Variants in ITGA4 observed in about 807,000 individuals in gnomAD.
ITGA4 encodes integrin subunit alpha 4.
A neutral mutation model predicts 133.6 loss-of-function variants in ITGA4; 63 were observed. The observed-to-expected ratio is 0.47, with a 90% confidence interval of 0.38 to 0.58. The LOEUF (loss-of-function observed/expected upper bound fraction) is 0.58, where lower values mean the gene tolerates loss of function less well. ITGA4 is among the 20% of genes least tolerant of loss of function. The pLI is 0.00. For synonymous variants in ITGA4, 483 were observed against 438.0 expected (o/e 1.10, Z -1.28); for missense variants, 1,076 against 1,252.7 (o/e 0.86, Z 2.13).
At chr2:181,514,318 G>GACAAATA (rs1686563360) in intron 17 of ITGA4, among the ~76,000 whole-genome samples, 3 of 152,064 alleles carry the variant, frequency 2.0e-5, no homozygotes, top group African/African-American at 7.2e-5. Flanking sequence ...TTGACAAATA[G>GACAAATA]GGTTGAGTAC....
At chr2:181,483,347 A>T (rs1221441008) in intron 9 of ITGA4, among the ~76,000 whole-genome samples, 1 of 152,066 alleles carries the variant, frequency 6.6e-6, no homozygotes. Flanking sequence ...AAAACAAAAA[A>T]TTGGTGGAGT....
chr2:181,482,498 G>A lies in ITGA4; in HGVS notation c.904-16G>A. On this transcript the variant is annotated splice_polypyrimidine_tract_variant and intron_variant, in intron 8 of 27. Transcript: ENST00000397033. ...GCTTTTTTCTCAATGAGTGGATCTG[G>A]TTTGTTTTGGGACAGCTTGGATCGT... The A allele has an allele frequency of 6.2e-7, 1 of 1,613,694 alleles. No individual in the cohort carries two copies. Among genetic ancestry groups the A allele is most frequent in the Non-Finnish European group, 8.5e-7 (1 of 1,179,718 alleles).
In ITGA4 at chr2:181,523,460, A is replaced by G. The variant is rs370162467; in HGVS notation, c.2097A>G (p.Glu699=). ...AGGAAGAGAAGCAAATAAACTGTGA[A>G]GTCACAGATAACTCTGGCGTGGTAC... The part of the protein sequence containing the change: ...LELEEKQINC[E]VTDNSGVVQL... The change falls in exon 19 of 28, where the codon GAA becomes GAG. Residue 699 remains glutamate (E), a synonymous_variant. Coordinates refer to ENST00000397033, the MANE Select transcript of ITGA4 (RefSeq NM_000885.6). The surrounding 1 kb of genome is among the most constrained non-coding windows in gnomAD (Gnocchi z 4.2). 5.0e-6 allele frequency: 8 copies of G among 1,607,718 alleles called. No individual in the cohort carries two copies. The highest frequency in any genetic ancestry group is 6.8e-6 in the Non-Finnish European group (8 of 1,174,302).
chr2:181,531,466 AAAAC>A (rs1479053011), intron 24 of ITGA4, among the ~76,000 whole-genome samples, 187 bp from the exon 25 acceptor site: 1 of 152,236 alleles, frequency 6.6e-6, no homozygotes, highest in Non-Finnish European at 1.5e-5. Flanking sequence ...TATAATTTAG[AAAAC>A]AAACATTCAT....
chr2:181,457,455 G>T lies in ITGA4; in HGVS notation c.-200G>T. ...GGGAGTGGGGCCGGGCGAGTGCGCG[G>T]CATCCCAGGCCGGCCCGAACGCTCC... On this transcript the variant is annotated 5_prime_UTR_variant, in exon 1 of 28. Transcript: ENST00000397033. 1.8e-6 allele frequency: 1 copy of T among 542,482 alleles called. No homozygotes were observed. Among genetic ancestry groups the T allele is most frequent in the Non-Finnish European group, 3.2e-6 (1 of 310,906 alleles). The allele number at this position is 542,482 out of a possible 1,614,324, so 33.6% of individuals were successfully genotyped here.
At chr2:181,478,644 A>T (rs1167953080) in intron 4 of ITGA4, 113 bp from the exon 5 acceptor site, 7 of 454,948 alleles carry the variant, frequency 1.5e-5, no homozygotes, top group East Asian at 3.5e-5. Flanking sequence ...TTTTATTTTT[A>T]AAAAATACAA....
At chr2:181,464,131 A>G (rs1358102992) in intron 2 of ITGA4, among the ~76,000 whole-genome samples, 2 of 152,132 alleles carry the variant, frequency 1.3e-5, no homozygotes, top group African/African-American at 4.8e-5. Flanking sequence ...AGGTAGCAAG[A>G]AAAATCAGGT....
At chr2:181,481,718 A>G (rs778458017) in intron 7 of ITGA4, 35 bp downstream of exon 7, 1 of 1,109,020 alleles carries the variant, frequency 9.0e-7, no homozygotes, top group Non-Finnish European at 1.3e-6. Context: ...TTTCTTCACA[A>G]AGGTTCAAAT....
In ITGA4 at chr2:181,538,739, A is replaced by G. The variant is rs1687335550; in HGVS notation, c.*3212A>G. On this transcript the variant is annotated 3_prime_UTR_variant, in exon 28 of 28. Transcript: ENST00000397033. ...TAAGATGGAAGGATAAAAATCTAAC[A>G]CTTTACTATTCAGATGGCTCCACTA... Among the ~76,000 whole-genome samples the G allele has an allele frequency of 6.6e-6, 1 of 152,126 alleles. No homozygotes were observed. Among genetic ancestry groups the G allele is most frequent in the South Asian group, 2.1e-4 (1 of 4,832 alleles).
chr2:181,537,161 C>T lies in ITGA4; in HGVS notation c.*1634C>T, dbSNP rs192210010. ...TATCGTTATAAAAAGGCTAGTCATT[C>T]TTTCAGGAGAACATCTAGGATCATA... On this transcript the variant is annotated 3_prime_UTR_variant, in exon 28 of 28. Transcript: ENST00000397033. 859 of 453,846 alleles carry T rather than the reference C, an allele frequency of 1.9e-3. 7 individuals carry two copies. The highest frequency in any genetic ancestry group is 2.2e-3 in the Non-Finnish European group (503 of 226,674). The allele number at this position is 453,846 out of a possible 1,614,324, so 28.1% of individuals were successfully genotyped here. A position where few individuals can be genotyped will look rare whatever the true frequency, so the allele number is the denominator to read the frequency against.
chr2:181,486,109 A>T, intron 10 of ITGA4, 117 bp downstream of exon 10: 1 of 1,364,410 alleles, frequency 7.3e-7, no homozygotes, highest in Non-Finnish European at 9.7e-7. Flanking sequence ...CCAGAATGGC[A>T]TGCTAAGTTT....
intron 7 of ITGA4, 83 bp downstream of exon 7, chr2:181,481,766 A>C (rs1472591928): frequency 3.8e-6 from 2 of 528,818 alleles, no homozygotes; most frequent in African/African-American, 1.9e-5. Flanking sequence ...GAAACTGTGA[A>C]TGTTGTAAGG....
At chr2:181,503,892 G>A (rs1311644327) in intron 15 of ITGA4, among the ~76,000 whole-genome samples, 5 of 151,908 alleles carry the variant, frequency 3.3e-5, no homozygotes, top group African/African-American at 1.2e-4. Flanking sequence ...TTAGGACAAG[G>A]GATAATTTTG....
chr2:181,462,912 G>C (rs1016360049), intron 2 of ITGA4, among the ~76,000 whole-genome samples: 3 of 152,132 alleles, frequency 2.0e-5, no homozygotes, highest in Admixed American at 6.5e-5. Flanking sequence ...GTTGTTCATT[G>C]AGGGATGCCT....
chr2:181,475,735 T>C, intron 4 of ITGA4: 1 of 1,507,728 alleles, frequency 6.6e-7, no homozygotes, highest in Non-Finnish European at 8.9e-7. Context: ...TATCTCTTTT[T>C]CTAATTTACA....
chr2:181,467,566 C>T (rs1029920639), intron 2 of ITGA4, among the ~76,000 whole-genome samples: 7 of 152,080 alleles, frequency 4.6e-5, no homozygotes, highest in Non-Finnish European at 1.0e-4. Flanking sequence ...ATACTGAGAA[C>T]CATTCTAAAT....
At position 181,516,427 on chromosome 2, in the gene ITGA4, GCT is replaced by G. The variant is rs147591541; in HGVS notation, c.1922+4658_1922+4659del. Reference sequence around the variant, plus strand: ...CTAGACATTGATGGTTATCTTTCCAGCTCTCTCAGCTTTTCCTCATGATCACA... The same window carrying G: ...CTAGACATTGATGGTTATCTTTCCAGCTCTCAGCTTTTCCTCATGATCACA... On this transcript the variant is annotated intron_variant, in intron 17 of 27. Transcript: ENST00000397033. The surrounding 1 kb of genome is among the most constrained non-coding windows in gnomAD (Gnocchi z 4.0). 6.6e-3 allele frequency among the ~76,000 whole-genome samples: 1,004 copies of G among 152,138 alleles called. 9 individuals carry two copies. Among genetic ancestry groups the G allele is most frequent in the African/African-American group, 0.023 (940 of 41,538 alleles).
chr2:181,488,401 T>C (rs1249172841), intron 10 of ITGA4, among the ~76,000 whole-genome samples: 2 of 152,212 alleles, frequency 1.3e-5, no homozygotes, highest in East Asian at 3.8e-4. Context: ...TCTGGAAGGT[T>C]ATTATGCAAA....
intron 2 of ITGA4, among the ~76,000 whole-genome samples, chr2:181,474,349 C>A (rs1013038483): frequency 2.0e-4 from 30 of 152,160 alleles, no homozygotes; most frequent in African/African-American, 7.2e-4. Context: ...CTGAGATAAT[C>A]TGGTTTCCAA....
Sources: gnomAD v4.1 joint callset for allele counts (sites outside exome capture counted in the v4.1 genomes callset) on GRCh38, gnomAD v4.1.1 for gene constraint, Gnocchi (gnomAD v3.1) non-coding constraint, MANE v1.5 for transcripts, NCBI Gene and HGNC (gene_info 2026-07-23, HGNC 2026-07-21) for gene names.